The following VPS4B variants were observed in gnomAD, a reference collection of about 807,000 sequenced individuals.
The protein encoded by VPS4B is vacuolar protein sorting-associated protein 4B.
In VPS4B, 23 loss-of-function variants were observed where a neutral mutation model predicts 56.1. The ratio of observed to expected loss-of-function variants is 0.41; its 90% CI spans 0.30 to 0.58. The LOEUF (loss-of-function observed/expected upper bound fraction) is 0.58, where lower values mean the gene tolerates loss of function less well. VPS4B is among the 20% of genes least tolerant of loss of function. VPS4B has a pLI of 0.29. For missense variants in VPS4B, 372 were observed against 531.9 expected (o/e 0.70, Z 2.96); for synonymous variants, 177 against 186.0 (o/e 0.95, Z 0.39).
At chr18:63,412,358 A>T (rs985790247) in intron 1 of VPS4B, among the ~76,000 whole-genome samples, 60 of 152,354 alleles carry the variant, frequency 3.9e-4, no homozygotes, top group African/African-American at 1.4e-3. Context: ...GGAAATTGTT[A>T]AACAGAGTTT....
At chr18:63,415,692 C>A in intron 1 of VPS4B, 1 of 241,184 alleles carries the variant, frequency 4.1e-6, no homozygotes. Context: ...TTCACTGTCC[C>A]CTCCAGAACC....
Position 63,396,937 on chromosome 18 carries a change from C to T in VPS4B, c.1092+97G>A, listed in dbSNP as rs141261746. The T allele has an allele frequency of 2.0e-3, 2,484 of 1,228,090 alleles. 38 individuals are homozygous for T. In the African/African-American group the frequency reaches 0.034, roughly 17 times the overall value. The allele number at this position is 1,228,090 out of a possible 1,614,324, so 76.1% of individuals were successfully genotyped here. A position where few individuals can be genotyped will look rare whatever the true frequency, so the allele number is the denominator to read the frequency against. On this transcript the variant is annotated intron_variant, in intron 9 of 10. Transcript: ENST00000238497. ...CCCGGGAGGCGGAGGTTGCAGCAAG[C>T]CCAGATAGTGCCACTGCACTCCAGC...
At chr18:63,400,002 G>A (rs769616472) in intron 7 of VPS4B, 46 bp downstream of exon 7, 4 of 1,561,240 alleles carry the variant, frequency 2.6e-6, no homozygotes, top group Non-Finnish European at 3.5e-6. Flanking sequence ...CTGGGCGACA[G>A]AGTGAGACTC....
At chr18:63,398,957 T>G (rs1915748899) in intron 8 of VPS4B, among the ~76,000 whole-genome samples, 1 of 152,196 alleles carries the variant, frequency 6.6e-6, no homozygotes, top group African/African-American at 2.4e-5. Context: ...TTTTGAAGCA[T>G]CAGTGCCCAC....
chr18:63,405,155 C>CTAGA (rs1915888913), intron 4 of VPS4B, among the ~76,000 whole-genome samples: 1 of 151,932 alleles, frequency 6.6e-6, no homozygotes. Flanking sequence ...CAATCTCATA[C>CTAGA]TAGACATGGT....
intron 7 of VPS4B, 91 bp downstream of exon 7, chr18:63,399,957 T>G: frequency 8.2e-7 from 1 of 1,224,442 alleles, no homozygotes. Context: ...AGGTGGAGGT[T>G]GTAGTGAGCT....
At chr18:63,419,385 C>G (rs1404328367) in intron 1 of VPS4B, among the ~76,000 whole-genome samples, 2 of 152,094 alleles carry the variant, frequency 1.3e-5, no homozygotes, top group Non-Finnish European at 2.9e-5. Context: ...CCACTGCACT[C>G]CTGCCTGGGC....
At chr18:63,399,730 A>G (rs959697633) in intron 7 of VPS4B, among the ~76,000 whole-genome samples, 1 of 152,216 alleles carries the variant, frequency 6.6e-6, no homozygotes, top group African/African-American at 2.4e-5. Flanking sequence ...TTATGTATGC[A>G]TATGGAAGAC....
At chr18:63,398,696 G>A (rs1347439125) in intron 8 of VPS4B, among the ~76,000 whole-genome samples, 3 of 151,662 alleles carry the variant, frequency 2.0e-5, no homozygotes, top group Non-Finnish European at 2.9e-5. Context: ...TTAGCTGGGC[G>A]TGGTGGTGCA....
At chr18:63,419,213 AG>A (rs896305101) in intron 1 of VPS4B, among the ~76,000 whole-genome samples, 1 of 152,188 alleles carries the variant, frequency 6.6e-6, no homozygotes, top group Non-Finnish European at 1.5e-5. Flanking sequence ...ACCTGAGTTC[AG>A]GACTTTGAGA....
rs1346403603 is a variant in VPS4B, at chr18:63,389,776, A to AT, written c.*1198dup. The AT allele has an allele frequency of 6.6e-6, 1 of 152,658 alleles. No individual in the cohort carries two copies. Among genetic ancestry groups the AT allele is most frequent in the Non-Finnish European group, 1.5e-5 (1 of 68,040 alleles). The allele number at this position is 152,658 out of a possible 1,614,324, so 9.5% of individuals were successfully genotyped here. A position where few individuals can be genotyped will look rare whatever the true frequency, so the allele number is the denominator to read the frequency against. ...CTGTATTAAAAAAGGAAATATACATATATGTACACAGACACCCCATATCAC... is the reference window on the plus strand; with the variant it reads ...CTGTATTAAAAAAGGAAATATACATATTATGTACACAGACACCCCATATCAC... On this transcript the variant is annotated 3_prime_UTR_variant, in exon 11 of 11. Transcript: ENST00000238497.
chr18:63,415,191 G>A (rs1916134887), intron 1 of VPS4B: 1 of 152,366 alleles, frequency 6.6e-6, no homozygotes, highest in Admixed American at 6.5e-5. Flanking sequence ...AACCATGTCT[G>A]TTAGCATTTT....
At chr18:63,394,473 T>TC (rs1203794608) in intron 9 of VPS4B, among the ~76,000 whole-genome samples, 2 of 151,972 alleles carry the variant, frequency 1.3e-5, no homozygotes, top group Admixed American at 6.6e-5. Flanking sequence ...GCACTTCTTT[T>TC]TTTTTTTTTT....
chr18:63,410,560 G>A (rs1916017937), intron 2 of VPS4B, 114 bp from the exon 3 acceptor site: 5 of 1,345,682 alleles, frequency 3.7e-6, no homozygotes, highest in African/African-American at 1.5e-5. Flanking sequence ...AAGAAGGAGG[G>A]AAGATCATCT....
chr18:63,405,796 A>AAAACAAAC (rs548392723), intron 4 of VPS4B, among the ~76,000 whole-genome samples: 10 of 151,312 alleles, frequency 6.6e-5, no homozygotes, highest in South Asian at 2.1e-4. Context: ...CACCTCTACA[A>AAAACAAAC]AAACAAACAA....
chr18:63,403,728 T>G lies in VPS4B; in HGVS notation c.463A>C (p.Lys155Gln), dbSNP rs1455212232. The change falls in exon 5 of 11, where the codon AAA becomes CAA. Residue 155 changes from lysine (K) to glutamine (Q), a missense_variant. Lys to Gln is a moderately conservative substitution (Grantham distance 53). Around this residue, in one of 3 missense-constraint regions of VPS4B, gnomAD observed 153 missense variants for 190.3 expected, o/e 0.80. Coordinates refer to ENST00000238497, the MANE Select transcript of VPS4B (RefSeq NM_004869.4). ...ALKEAVILPI[K>Q]FPHLFTGKRT... is the part of the protein sequence containing the mutation. ...TCACCTGTAAAAAGATGAGGAAATT[T>G]AATAGGCAGTATCACAGCCTCTTTC... The G allele has an allele frequency of 6.2e-7, 1 of 1,609,732 alleles. No homozygotes were observed.
At chr18:63,409,603 G>A (rs1272905234) in intron 3 of VPS4B, among the ~76,000 whole-genome samples, 3 of 152,134 alleles carry the variant, frequency 2.0e-5, no homozygotes, top group Non-Finnish European at 1.5e-5. Context: ...AACTTGGCAC[G>A]CATATGTCAT....
intron 5 of VPS4B, among the ~76,000 whole-genome samples, chr18:63,402,024 A>AC (rs926197517): frequency 2.0e-5 from 3 of 152,202 alleles, no homozygotes; most frequent in East Asian, 1.9e-4. Context: ...ACAAAACAAA[A>AC]AAAACTGCTA....
rs1054995 is a variant in VPS4B at position 63,393,457 on chromosome 18, T to C, written c.1185A>G (p.Thr395=). ...GTTTATCTCCAGGGACATCCATCCA[T>C]GTCATTTCAATGGCACCAGGGTCAC... is the stretch of plus-strand genomic sequence containing the variant. ...SPGDPGAIEM[T]WMDVPGDKLL... The change falls in exon 10 of 11, where the codon ACA becomes ACG. Residue 395 remains threonine, a synonymous_variant. Transcript: ENST00000238497. 1 of 1,612,400 alleles carries C rather than the reference T, an allele frequency of 6.2e-7. No homozygotes were observed. The highest frequency in any genetic ancestry group is 8.5e-7 in the Non-Finnish European group (1 of 1,179,272).
Sources: allele counts gnomAD v4.1 joint callset (sites outside exome capture counted in the v4.1 genomes callset), GRCh38; gene constraint gnomAD v4.1.1; regional missense constraint gnomAD v4.1.1; transcripts MANE v1.5; gene names NCBI Gene and HGNC (gene_info 2026-07-23, HGNC 2026-07-21).